FGA: variants seen among roughly 807,000 people sequenced by gnomAD.
FGA encodes fibrinogen alpha chain, also known as fibrinogen, A alpha polypeptide.
A neutral mutation model predicts 20.3 loss-of-function variants in FGA; 20 were observed. The observed-to-expected ratio is 0.99, with a 90% CI of 0.69 to 1.43. The LOEUF is 1.43. Ranked by LOEUF, FGA falls within the 40% of genes most tolerant of loss-of-function variation. The pLI, the probability that FGA is intolerant of heterozygous loss-of-function variation, is 0.00. For missense variants in FGA, 777 were observed against 784.7 expected (o/e 0.99, Z 0.12); for synonymous variants, 306 against 281.6 (o/e 1.09, Z -0.87).
Position 154,587,607 on chromosome 4 carries a change from C to T in FGA, c.415G>A (p.Glu139Lys). 6.2e-7 allele frequency: 1 copy of T among 1,613,906 alleles called. No individual in the cohort carries two copies. The highest frequency in any genetic ancestry group is 8.5e-7 in the Non-Finnish European group (1 of 1,179,958). The change falls in exon 4 of 5, where the codon GAA becomes AAA. Residue 139 changes from glutamate to lysine, a missense_variant. Transcript: ENST00000403106. ...RVSEDLRSRI[E>K]VLKRKVIEKV... ...TCTATGACTTTGCGCTTCAGGACTTCAATTCTGCTTCTCAGATCCTCTGAC... is the reference window on the plus strand; with the variant it reads ...TCTATGACTTTGCGCTTCAGGACTTTAATTCTGCTTCTCAGATCCTCTGAC...
rs946577866 is a variant in FGA, at chr4:154,588,771, G to A, written c.364+22C>T. 18 of 1,529,272 alleles carry A rather than the reference G, an allele frequency of 1.2e-5. No homozygotes were observed. In the African/African-American group the frequency reaches 1.9e-4, roughly 16 times the overall value. 94.7% of individuals were successfully genotyped at this position (1,529,272 alleles called of 1,614,324 possible). A position where few individuals can be genotyped will look rare whatever the true frequency, so the allele number is the denominator to read the frequency against. On this transcript the variant is annotated intron_variant, in intron 3 of 4. Coordinates refer to ENST00000403106, the MANE Select transcript of FGA (RefSeq NM_021871.4). ...TTGTTGTTTCTGTTATAAAGTCAAAGCAGTAAATATGTAATACTTACTATT... is the reference window on the plus strand; with the variant it reads ...TTGTTGTTTCTGTTATAAAGTCAAAACAGTAAATATGTAATACTTACTATT...
chr4:154,590,273 A>G lies in FGA; in HGVS notation c.54+361T>C, dbSNP rs2070013. 6.1e-3 allele frequency among the ~76,000 whole-genome samples: 927 copies of G among 152,370 alleles called. 7 individuals carry two copies. Among genetic ancestry groups the G allele is most frequent in the Non-Finnish European group, 0.011 (724 of 68,032 alleles). On this transcript the variant is annotated intron_variant, in intron 1 of 4. Transcript: ENST00000403106. ...ATAACTAAAGAAAACAAATCTTACC[A>G]TAAAATGTTTTATTCCATTAACTAG...
In FGA at chr4:154,587,499, G is replaced by C. The variant is rs1730755578; in HGVS notation, c.510+13C>G. The C allele has an allele frequency of 2.5e-6, 4 of 1,613,274 alleles. No individual in the cohort carries two copies. In the East Asian group the frequency reaches 8.9e-5, roughly 36 times the overall value. ...AGAAACAAGGACATCTGGGACCACA[G>C]CCACATACTTACCTCCAGTCGTTTC... On this transcript the variant is annotated intron_variant, in intron 4 of 4. Transcript: ENST00000403106.
Position 154,587,573 on chromosome 4 carries a change from T to A in FGA, c.449A>T (p.Gln150Leu). Reference sequence around the variant, plus strand: ...ATTTTTCTGCAGAAGCTGGATATGCTGTACTTTTTCTATGACTTTGCGCTT... The same window carrying A: ...ATTTTTCTGCAGAAGCTGGATATGCAGTACTTTTTCTATGACTTTGCGCTT... ...VLKRKVIEKV[Q>L]HIQLLQKNVR... The change falls in exon 4 of 5, where the codon CAG becomes CTG. Residue 150 changes from glutamine to leucine, a missense_variant. Physicochemically the swap from Gln to Leu is moderately radical, Grantham distance 113 (BLOSUM62 -2). Coordinates refer to ENST00000403106, the MANE Select transcript of FGA (RefSeq NM_021871.4). 1 of 1,614,044 alleles carries A rather than the reference T, an allele frequency of 6.2e-7. No homozygotes were observed. The highest frequency in any genetic ancestry group is 8.5e-7 in the Non-Finnish European group (1 of 1,179,946).
rs1165930296 is a variant in FGA at position 154,586,901 on chromosome 4, C to G, written c.528G>C (p.Lys176Asn). 6.2e-7 allele frequency: 1 copy of G among 1,613,784 alleles called. No homozygotes were observed. Among genetic ancestry groups the G allele is most frequent in the South Asian group, 1.1e-5 (1 of 91,056 alleles). Residue 176 changes from lysine to asparagine, a missense_variant, in exon 5 of 5, where the codon AAG (lysine) becomes AAC (asparagine). Transcript: ENST00000403106. ...MKRLEVDIDIKIRSCRGSCSR... is the reference protein window; with the variant it reads ...MKRLEVDIDINIRSCRGSCSR... ...TGCATGACCCTCGACAAGATCGGATCTTAATATCAATGTCCACCTAGAGAG... is the reference window on the plus strand; with the variant it reads ...TGCATGACCCTCGACAAGATCGGATGTTAATATCAATGTCCACCTAGAGAG...
Position 154,586,760 on chromosome 4 carries a change from C to G in FGA, c.669G>C (p.Leu223=), listed in dbSNP as rs1166182458. ...LPSRDRQHLP[L]IKMKPVPDLV... is the part of the protein sequence containing the mutation. ...AGTCTGGAACTGGTTTCATTTTTAT[C>G]AGTGGTAAGTGTTGCCTATCTCTAG... Residue 223 remains leucine (L), a synonymous_variant, in exon 5 of 5, where the codon CTG becomes CTC. Transcript: ENST00000403106. 3 of 1,613,992 alleles carry G rather than the reference C, an allele frequency of 1.9e-6. No homozygotes were observed. The highest frequency in any genetic ancestry group is 8.5e-7 in the Non-Finnish European group (1 of 1,180,030).
In FGA at chr4:154,585,683, T is replaced by C; in HGVS notation, c.1746A>G (p.Gln582=). The C allele has an allele frequency of 6.2e-7, 1 of 1,614,152 alleles. No individual in the cohort carries two copies. The part of the protein sequence containing the change: ...SRGKSSSYSK[Q]FTSSTSYNRG... ...TGTTGTAACTCGTGCTACTAGTAAA[T>C]TGTTTGCTGTAACTTGAAGATTTAC... Residue 582 remains glutamine (Q), a synonymous_variant, in exon 5 of 5, where the codon CAA becomes CAG. Transcript: ENST00000403106.
intron 1 of FGA, among the ~76,000 whole-genome samples, chr4:154,590,317 C>A (rs542450640): frequency 3.9e-5 from 6 of 152,272 alleles, no homozygotes; most frequent in Admixed American, 1.3e-4. Context: ...TGCACCAAGG[C>A]TTTATAGGTA....
downstream of FGA, chr4:154,584,455 G>A (rs756717254): frequency 3.1e-6 from 5 of 1,614,136 alleles, no homozygotes; most frequent in Non-Finnish European, 3.4e-6. Flanking sequence ...GCCTTCATAG[G>A]AGGAGACTTG....
chr4:154,586,906 T>C lies in FGA; in HGVS notation c.523A>G (p.Ile175Val), dbSNP rs1318368612. ...GACCCTCGACAAGATCGGATCTTAA[T>C]ATCAATGTCCACCTAGAGAGAGGGG... is the stretch of plus-strand genomic sequence containing the variant. ...DMKRLEVDID[I>V]KIRSCRGSCS... The change falls in exon 5 of 5, where the codon ATT becomes GTT. Residue 175 changes from isoleucine to valine, a missense_variant. Transcript: ENST00000403106. The C allele has an allele frequency of 1.9e-6, 3 of 1,613,734 alleles. No homozygotes were observed. The highest frequency in any genetic ancestry group is 2.5e-6 in the Non-Finnish European group (3 of 1,179,980).
rs897353660 is a variant in FGA, at chr4:154,589,090, G to A, written c.181-114C>T. ...CTACCCTATCTCTTCCAGATAAGTT[G>A]GCTTAAAAGTAGGTAAGAGGACTAG... On this transcript the variant is annotated intron_variant, in intron 2 of 4. Coordinates refer to ENST00000403106, the MANE Select transcript of FGA (RefSeq NM_021871.4). 1.2e-5 allele frequency: 12 copies of A among 960,606 alleles called. 1 individual carries two copies. The Admixed American group carries it at 2.0e-4, about 16-fold the overall frequency. The allele number at this position is 960,606 out of a possible 1,614,324, so 59.5% of individuals were successfully genotyped here.
chr4:154,590,566 G>A, intron 1 of FGA, 68 bp downstream of exon 1: 1 of 1,310,980 alleles, frequency 7.6e-7, no homozygotes, highest in Non-Finnish European at 1.1e-6. Flanking sequence ...GGTAGACTCT[G>A]ACCTCCAGGC....
chr4:154,586,386 T>G lies in FGA; in HGVS notation c.1043A>C (p.Asn348Thr), dbSNP rs534934417. 1 of 1,613,938 alleles carries G rather than the reference T, an allele frequency of 6.2e-7. No individual in the cohort carries two copies. Among genetic ancestry groups the G allele is most frequent in the East Asian group, 2.2e-5 (1 of 44,886 alleles). The change falls in exon 5 of 5, where the codon AAC becomes ACC. Residue 348 changes from asparagine (N) to threonine (T), a missense_variant. Coordinates refer to ENST00000403106, the MANE Select transcript of FGA (RefSeq NM_021871.4). Reference protein sequence around the residue: ...SSGTGSTGNQNPGSPRPGSTG... With the variant: ...SSGTGSTGNQTPGSPRPGSTG... Reference sequence around the variant, plus strand: ...ACTACCAGGTCTAGGGCTCCCAGGGTTTTGGTTTCCAGTACTTCCAGTTCC... The same window carrying G: ...ACTACCAGGTCTAGGGCTCCCAGGGGTTTGGTTTCCAGTACTTCCAGTTCC...
In FGA at chr4:154,587,559, G is replaced by A. The variant is rs1268549597; in HGVS notation, c.463C>T (p.Leu155=). 4 of 1,613,988 alleles carry A rather than the reference G, an allele frequency of 2.5e-6. No individual in the cohort carries two copies. Among genetic ancestry groups the A allele is most frequent in the Non-Finnish European group, 3.4e-6 (4 of 1,179,972 alleles). Residue 155 remains leucine (L), a synonymous_variant, in exon 4 of 5, where the codon CTG becomes TTG. Coordinates refer to ENST00000403106, the MANE Select transcript of FGA (RefSeq NM_021871.4). ...AACTGAGCTCTAACATTTTTCTGCAGAAGCTGGATATGCTGTACTTTTTCT... is the reference window on the plus strand; with the variant it reads ...AACTGAGCTCTAACATTTTTCTGCAAAAGCTGGATATGCTGTACTTTTTCT... The part of the protein sequence containing the change: ...VIEKVQHIQL[L]QKNVRAQLVD...
intron 2 of FGA, 64 bp downstream of exon 2, chr4:154,589,373 C>T (rs1730815169): frequency 1.2e-6 from 2 of 1,600,876 alleles, no homozygotes; most frequent in East Asian, 2.2e-5. Flanking sequence ...CCAATCAGGT[C>T]AGCCTGTGAG....
chr4:154,584,671 A>C (rs752055822), downstream of FGA: 15 of 1,614,018 alleles, frequency 9.3e-6, no homozygotes, highest in African/African-American at 2.7e-5. Flanking sequence ...GGTCCGGTTA[A>C]AATTCAGTGA....
chr4:154,584,360 C>T, downstream of FGA: 2 of 1,614,138 alleles, frequency 1.2e-6, no homozygotes, highest in Non-Finnish European at 1.7e-6. Flanking sequence ...GCATCCCTGT[C>T]AAAGGTGCTG....
chr4:154,585,192 C>T (rs1420020004), downstream of FGA: 3 of 1,271,634 alleles, frequency 2.4e-6, no homozygotes, highest in Non-Finnish European at 3.0e-6. Context: ...TGTGATTAAT[C>T]AGTTGGGTGA....
chr4:154,584,937 C>T (rs1053278987), downstream of FGA: 82 of 916,700 alleles, frequency 8.9e-5, no homozygotes, highest in Admixed American at 1.5e-3. Context: ...CTTTCCCTTC[C>T]TTTCTTTCTT....
Sources: allele counts gnomAD v4.1 joint callset (sites outside exome capture counted in the v4.1 genomes callset), GRCh38; gene constraint gnomAD v4.1.1; transcripts MANE v1.5; gene names NCBI Gene and HGNC (gene_info 2026-07-23, HGNC 2026-07-21).